Variants in EML4 observed in about 807,000 individuals in gnomAD.
EML4 encodes EMAP like 4, also known as echinoderm microtubule-associated protein-like 4.
Under a neutral mutation model 129.0 loss-of-function variants are expected in EML4, and 72 were observed. That is an observed-to-expected ratio of 0.56 (90% confidence interval 0.46 to 0.68). EML4 has a LOEUF of 0.68. Ranked by LOEUF, EML4 falls within the 30% of genes least tolerant of loss-of-function variation. The pLI is 0.00. For missense variants in EML4, 1,363 were observed against 1,190.6 expected (o/e 1.14, Z -2.13); for synonymous variants, 532 against 405.0 (o/e 1.31, Z -3.77).
chr2:42,323,414 A>G (rs1669623037), intron 19 of EML4, among the ~76,000 whole-genome samples: 1 of 152,218 alleles, frequency 6.6e-6, no homozygotes, highest in African/African-American at 2.4e-5. Context: ...TTTCCAATAT[A>G]CCGCTTAATT....
chr2:42,216,303 C>T (rs1048967711), intron 1 of EML4, among the ~76,000 whole-genome samples: 41 of 128,962 alleles, frequency 3.2e-4, no homozygotes, highest in African/African-American at 1.2e-3. Context: ...AGTGCAGTGG[C>T]GCGATCTTGG....
intron 19 of EML4, chr2:42,320,050 CTCTT>C (rs1206502039): frequency 2.0e-5 from 3 of 152,154 alleles, no homozygotes; most frequent in Non-Finnish European, 4.4e-5. Context: ...CACAGTAGCT[CTCTT>C]TATGTGGAAA....
At chr2:42,259,495 C>G (rs576664477) in intron 3 of EML4, among the ~76,000 whole-genome samples, 127 of 152,142 alleles carry the variant, frequency 8.3e-4, no homozygotes, top group African/African-American at 2.8e-3. Context: ...AAGATACATT[C>G]ACCTGTATTC....
chr2:42,206,289 G>A lies in EML4; in HGVS notation c.25+36653G>A, dbSNP rs569228962. 1.1e-3 allele frequency among the ~76,000 whole-genome samples: 172 copies of A among 152,206 alleles called. 1 individual carries two copies. The highest frequency in any genetic ancestry group is 3.8e-3 in the African/African-American group (159 of 41,538). On this transcript the variant is annotated intron_variant, in intron 1 of 22. Coordinates refer to ENST00000318522, the MANE Select transcript of EML4 (RefSeq NM_019063.5). ...AGTGCAGTGGCATAATTGTAGCTTA[G>A]TATAGCCTCACATTCCTGGGCTCAA...
At chr2:42,270,385 C>G (rs968761951) in intron 6 of EML4, among the ~76,000 whole-genome samples, 4 of 152,204 alleles carry the variant, frequency 2.6e-5, no homozygotes, top group Admixed American at 2.6e-4. Context: ...ATGGCAAAAC[C>G]CCATCTCTAC....
chr2:42,242,556 A>C (rs1463081040), intron 1 of EML4, among the ~76,000 whole-genome samples: 1 of 152,024 alleles, frequency 6.6e-6, no homozygotes, highest in African/African-American at 2.4e-5. Flanking sequence ...CCTCTGGGAA[A>C]TTCAAGAGGG....
intron 1 of EML4, among the ~76,000 whole-genome samples, chr2:42,222,497 G>C (rs1187548522): frequency 6.6e-6 from 1 of 152,140 alleles, no homozygotes; most frequent in Non-Finnish European, 1.5e-5. Flanking sequence ...GTTAATATCT[G>C]TAGTTGCTTT....
chr2:42,195,185 TC>T (rs1485469126), intron 1 of EML4, among the ~76,000 whole-genome samples: 1 of 152,168 alleles, frequency 6.6e-6, no homozygotes, highest in Non-Finnish European at 1.5e-5. Context: ...GTTGTTTTAG[TC>T]ATTTGTTAGA....
intron 13 of EML4, among the ~76,000 whole-genome samples, chr2:42,296,173 T>C (rs895389637): frequency 6.6e-6 from 1 of 151,996 alleles, no homozygotes; most frequent in African/African-American, 2.4e-5. Context: ...TTGAAAAAAA[T>C]GTCCAGAGTA....
rs551097650 is a variant in EML4 at position 42,231,378 on chromosome 2, C to T, written c.26-14127C>T. Among the ~76,000 whole-genome samples the T allele has an allele frequency of 5.9e-5, 9 of 152,256 alleles. No homozygotes were observed. In the East Asian group the frequency reaches 1.5e-3, roughly 26 times the overall value. The stretch of plus-strand genomic sequence containing the variant: ...TATCAGATATGTCCTAATAAAGCTC[C>T]GAAGTGTAATCTCTAATTCAGGCCT... On this transcript the variant is annotated intron_variant, in intron 1 of 22. Transcript: ENST00000318522.
chr2:42,238,964 A>C (rs568414166), intron 1 of EML4, among the ~76,000 whole-genome samples: 43 of 151,330 alleles, frequency 2.8e-4, no homozygotes, highest in Middle Eastern at 3.5e-3. Flanking sequence ...AGACAGGGTC[A>C]CCCTAGGTTG....
intron 1 of EML4, among the ~76,000 whole-genome samples, chr2:42,235,257 C>T (rs192729480): frequency 2.0e-5 from 3 of 151,766 alleles, no homozygotes; most frequent in African/African-American, 7.3e-5. Context: ...GATCGCACCA[C>T]CGCACTCAGT....
At position 42,256,474 on chromosome 2, in the gene EML4, A is replaced by G. The variant is rs751475569; in HGVS notation, c.209-27A>G. ...TTTAAGGAATATATTCAAATTTGAT[A>G]TAATTTTTTTCCTTAATTATCTTTA... On this transcript the variant is annotated intron_variant, in intron 2 of 22. Coordinates refer to ENST00000318522, the MANE Select transcript of EML4 (RefSeq NM_019063.5). 1.9e-6 allele frequency: 3 copies of G among 1,568,746 alleles called. No homozygotes were observed. The South Asian group carries it at 3.6e-5, about 19-fold the overall frequency.
intron 1 of EML4, among the ~76,000 whole-genome samples, chr2:42,180,705 A>G (rs1296538604): frequency 6.6e-6 from 1 of 152,242 alleles, no homozygotes; most frequent in African/African-American, 2.4e-5. Context: ...CTCCTACACA[A>G]CCATATTACA....
intron 1 of EML4, among the ~76,000 whole-genome samples, chr2:42,222,073 G>A (rs1673641779): frequency 6.6e-6 from 1 of 152,028 alleles, no homozygotes; most frequent in Non-Finnish European, 1.5e-5. Flanking sequence ...TCTCTCTGTA[G>A]CCATGGAGAA....
rs573446295 is a variant in EML4 at position 42,187,652 on chromosome 2, C to T, written c.25+18016C>T. Among the ~76,000 whole-genome samples the T allele has an allele frequency of 1.5e-3, 217 of 149,548 alleles. 4 individuals are homozygous for T. The South Asian group carries it at 0.044, about 30-fold the overall frequency. ...AATCTGTTTTCTTTCTCTATGAATTCTCCTATTTGGTGCTCATTTTTTTTA... is the reference window on the plus strand; with the variant it reads ...AATCTGTTTTCTTTCTCTATGAATTTTCCTATTTGGTGCTCATTTTTTTTA... On this transcript the variant is annotated intron_variant, in intron 1 of 22. Coordinates refer to ENST00000318522, the MANE Select transcript of EML4 (RefSeq NM_019063.5).
At chr2:42,296,847 C>T (rs908253569) in intron 13 of EML4, among the ~76,000 whole-genome samples, 2 of 152,142 alleles carry the variant, frequency 1.3e-5, no homozygotes, top group African/African-American at 4.8e-5. Context: ...TTCAGATGCT[C>T]CTTGACTTCT....
At chr2:42,172,059 C>CTT (rs79553687) in intron 1 of EML4, among the ~76,000 whole-genome samples, 1 of 144,556 alleles carries the variant, frequency 6.9e-6, no homozygotes, top group Non-Finnish European at 1.5e-5. Context: ...TGTTTAAAAA[C>CTT]TTTTTTTTTT....
intron 1 of EML4, among the ~76,000 whole-genome samples, chr2:42,213,740 A>G (rs947174815): frequency 3.9e-5 from 6 of 152,252 alleles, no homozygotes; most frequent in African/African-American, 1.2e-4. Context: ...AATAATGGCA[A>G]TAATTTAATA....
Sources: gnomAD v4.1 joint callset for allele counts (sites outside exome capture counted in the v4.1 genomes callset) on GRCh38, gnomAD v4.1.1 for gene constraint, MANE v1.5 for transcripts, NCBI Gene and HGNC (gene_info 2026-07-23, HGNC 2026-07-21) for gene names.